The following WDR36 variants were observed in gnomAD, a reference collection of about 807,000 sequenced individuals.
The protein encoded by WDR36 is WD repeat-containing protein 36.
WDR36 carries 63 observed loss-of-function variants against 112.7 expected under a neutral mutation model. That is an observed-to-expected ratio of 0.56 (90% CI 0.46 to 0.69). The LOEUF is 0.69. Ranked by LOEUF, WDR36 falls within the 30% of genes least tolerant of loss-of-function variation. The pLI, the probability that WDR36 is intolerant of heterozygous loss-of-function variation, is 0.00. For synonymous variants in WDR36, 410 were observed against 362.2 expected (o/e 1.13, Z -1.50); for missense variants, 1,226 against 1,070.3 (o/e 1.15, Z -2.03).
In WDR36 at chr5:111,104,781, T is replaced by C. The variant is rs745397688; in HGVS notation, c.991T>C (p.Tyr331His). ...GHSAPLTNIR[Y>H]YGQNGQQILS... Reference sequence around the variant, plus strand: ...TAGTGCTCCTCTTACCAATATCAGATATTATGGACAGAATGGACAGCAGAT... The same window carrying C: ...TAGTGCTCCTCTTACCAATATCAGACATTATGGACAGAATGGACAGCAGAT... The change falls in exon 9 of 23, where the codon TAT (tyrosine) becomes CAT (histidine). Residue 331 changes from tyrosine (Y) to histidine (H), a missense_variant. Tyr to His is a moderately conservative substitution (Grantham distance 83). Transcript: ENST00000513710. 2.5e-6 allele frequency: 4 copies of C among 1,611,336 alleles called. No individual in the cohort carries two copies. The South Asian group carries it at 4.4e-5, about 18-fold the overall frequency.
chr5:111,099,458 TTTTTG>T (rs1399630016), intron 4 of WDR36, among the ~76,000 whole-genome samples: 7 of 65,214 alleles, frequency 1.1e-4, no homozygotes, highest in African/African-American at 5.5e-4. Flanking sequence ...TTTGTTTTTT[TTTTTG>T]TTTTTTTTTT....
At position 111,104,230 on chromosome 5, in the gene WDR36, G is replaced by T; in HGVS notation, c.784G>T (p.Asp262Tyr). 1 of 1,611,820 alleles carries T rather than the reference G, an allele frequency of 6.2e-7. No homozygotes were observed. The highest frequency in any genetic ancestry group is 8.5e-7 in the Non-Finnish European group (1 of 1,178,494). ...CCCATGTGGCCATATTGGACTCTGG[G>T]ATCTAGAAGACAAAAAATTAATCAA... ...GSPCGHIGLW[D>Y]LEDKKLINQM... Residue 262 changes from aspartate to tyrosine, a missense_variant, in exon 8 of 23, where the codon GAT (aspartate) becomes TAT (tyrosine). By Grantham distance (160) the Asp-to-Tyr change is radical (BLOSUM62 -3). Coordinates refer to ENST00000513710, the MANE Select transcript of WDR36 (RefSeq NM_139281.3).
chr5:111,099,493 A>G (rs1285850214), intron 4 of WDR36, among the ~76,000 whole-genome samples: 1 of 103,766 alleles, frequency 9.6e-6, no homozygotes, highest in Non-Finnish European at 2.0e-5. Flanking sequence ...TTCAGTAAAT[A>G]TCCTGAAGAT....
At chr5:111,092,651 A>G in intron 1 of WDR36, 33 bp downstream of exon 1, 1 of 1,598,008 alleles carries the variant, frequency 6.3e-7, no homozygotes, top group Non-Finnish European at 8.5e-7. Flanking sequence ...TTCCCAGGAA[A>G]ACCACCCTCC....
At chr5:111,107,513 CTCA>C in intron 12 of WDR36, 74 bp downstream of exon 12, 6 of 1,570,890 alleles carry the variant, frequency 3.8e-6, no homozygotes, top group Non-Finnish European at 5.2e-6. Flanking sequence ...CTCAAGGTTT[CTCA>C]TCATAATATT....
At chr5:111,122,743 A>G (rs1194240816) in intron 19 of WDR36, among the ~76,000 whole-genome samples, 2 of 152,188 alleles carry the variant, frequency 1.3e-5, no homozygotes. Context: ...CATAGCTCCT[A>G]AAGAATGGAA....
rs13186912 is a variant in WDR36, at chr5:111,121,006, A to T, written c.2013A>T (p.Val671=). The T allele has an allele frequency of 0.31, 496,502 of 1,610,660 alleles. 80,231 individuals are homozygous for T. The highest frequency in any genetic ancestry group is 0.4 in the South Asian group (36,465 of 90,764). The part of the protein sequence containing the change: ...PGTCQTQDVE[V]SEETVEPSDE... Reference sequence around the variant, plus strand: ...AAAAATTTTTTTAAGATGTAGAAGTATCAGAAGAAACAGTAGAACCAAGTG... The same window carrying T: ...AAAAATTTTTTTAAGATGTAGAAGTTTCAGAAGAAACAGTAGAACCAAGTG... Residue 671 remains valine, a synonymous_variant, in exon 19 of 23, where the codon GTA becomes GTT. Coordinates refer to ENST00000513710, the MANE Select transcript of WDR36 (RefSeq NM_139281.3).
intron 19 of WDR36, among the ~76,000 whole-genome samples, chr5:111,122,476 C>T (rs1410331523): frequency 2.0e-5 from 3 of 152,104 alleles, no homozygotes; most frequent in Non-Finnish European, 4.4e-5. Flanking sequence ...TCTATTTTTG[C>T]TTTTCTTTAT....
At chr5:111,094,467 C>T (rs112270923) in intron 1 of WDR36, among the ~76,000 whole-genome samples, 13 of 151,990 alleles carry the variant, frequency 8.6e-5, no homozygotes, top group African/African-American at 2.9e-4. Flanking sequence ...ATGATTTTGA[C>T]ATGTTTAAAT....
intron 12 of WDR36, among the ~76,000 whole-genome samples, chr5:111,108,549 C>A (rs1468632704): frequency 6.7e-6 from 1 of 149,112 alleles, no homozygotes; most frequent in African/African-American, 2.5e-5. Context: ...CTTACGCTCC[C>A]GTAGGGACAT....
Position 111,104,689 on chromosome 5 carries a change from C to G in WDR36, c.907-8C>G, listed in dbSNP as rs79464885. The G allele has an allele frequency of 8.7e-4, 1,401 of 1,610,746 alleles. 12 individuals are homozygous for G. The African/African-American group carries it at 0.016, about 19-fold the overall frequency. ...TGTAGAAGAACTGACGTTTTTATTT[C>G]TTGGCAGATATGGATATTTGATGGT... is the stretch of plus-strand genomic sequence containing the variant. On this transcript the variant is annotated splice_polypyrimidine_tract_variant and splice_region_variant and intron_variant, in intron 8 of 22. Coordinates refer to ENST00000513710, the MANE Select transcript of WDR36 (RefSeq NM_139281.3).
intron 20 of WDR36, 45 bp from the exon 21 acceptor site, chr5:111,124,063 T>A: frequency 1.9e-6 from 3 of 1,604,306 alleles, no homozygotes; most frequent in Non-Finnish European, 2.6e-6. Flanking sequence ...CATTTTTGGG[T>A]GATACTTGAA....
intron 22 of WDR36, 95 bp downstream of exon 22, chr5:111,125,890 C>A: frequency 7.7e-7 from 1 of 1,294,136 alleles, no homozygotes; most frequent in Non-Finnish European, 1.1e-6. Flanking sequence ...TGCTGTATAT[C>A]CATCCTTTCC....
intron 16 of WDR36, among the ~76,000 whole-genome samples, chr5:111,116,647 T>C (rs1392433001): frequency 4.6e-5 from 7 of 152,168 alleles, no homozygotes; most frequent in African/African-American, 1.7e-4. Context: ...AACTGTATGG[T>C]AGTTTTAGGT....
rs202168842 is a variant in WDR36 at position 111,102,095 on chromosome 5, A to AT, written c.543-241dup. On this transcript the variant is annotated intron_variant, in intron 5 of 22. Coordinates refer to ENST00000513710, the MANE Select transcript of WDR36 (RefSeq NM_139281.3). ...AATATAACATGATTTTTACACACGT[A>AT]TTTTTTTTTCCACTTAGGACATTTA... 1.5e-3 allele frequency among the ~76,000 whole-genome samples: 223 copies of AT among 149,342 alleles called. 3 individuals are homozygous for AT. The East Asian group carries it at 0.038, about 25-fold the overall frequency.
At chr5:111,096,875 A>C (rs1190540478) in intron 2 of WDR36, 1 of 464,062 alleles carries the variant, frequency 2.2e-6, no homozygotes. Flanking sequence ...AGGGAAGGAC[A>C]AGGTGATTTC....
chr5:111,113,180 C>T (rs781714638), intron 16 of WDR36, 27 bp downstream of exon 16: 44 of 1,357,720 alleles, frequency 3.2e-5, no homozygotes, highest in Non-Finnish European at 4.4e-5. Flanking sequence ...AATTCCCTAA[C>T]CTCTATAAGA....
At chr5:111,118,186 T>A (rs911148145) in intron 16 of WDR36, among the ~76,000 whole-genome samples, 1 of 152,194 alleles carries the variant, frequency 6.6e-6, no homozygotes, top group Non-Finnish European at 1.5e-5. Context: ...TTATGCTTAA[T>A]GGTCCTACAA....
rs1180233610 is a variant in WDR36, at chr5:111,103,798, G to T, written c.610G>T (p.Asp204Tyr). The T allele has an allele frequency of 6.2e-7, 1 of 1,611,010 alleles. No individual in the cohort carries two copies. Among genetic ancestry groups the T allele is most frequent in the South Asian group, 1.1e-5 (1 of 91,000 alleles). Residue 204 changes from aspartate (D) to tyrosine (Y), a missense_variant, in exon 7 of 23, where the codon GAT becomes TAT. By Grantham distance (160) the Asp-to-Tyr change is radical (BLOSUM62 -3). Coordinates refer to ENST00000513710, the MANE Select transcript of WDR36 (RefSeq NM_139281.3). ...ATTTAATTTTTAGGCACCAGCCGTG[G>T]ATGTTGTTGCTATTGGTCTTATGTC... ...VTALQQAPAV[D>Y]VVAIGLMSGQ...
Sources: gnomAD v4.1 joint callset for allele counts (sites outside exome capture counted in the v4.1 genomes callset) on GRCh38, gnomAD v4.1.1 for gene constraint, MANE v1.5 for transcripts, NCBI Gene and HGNC (gene_info 2026-07-23, HGNC 2026-07-21) for gene names.